Variants in HMGCLL1 observed in about 807,000 individuals in gnomAD.
HMGCLL1 encodes 3-hydroxymethyl-3-methylglutaryl-CoA lyase, cytoplasmic.
A neutral mutation model predicts 39.1 loss-of-function variants in HMGCLL1; 36 were observed. The observed-to-expected ratio is 0.92, with a 90% CI of 0.71 to 1.22. The LOEUF (loss-of-function observed/expected upper bound fraction) is 1.22. Ranked by LOEUF, HMGCLL1 falls within the 50% of genes most tolerant of loss-of-function variation. The pLI is 0.00. For missense variants in HMGCLL1, 451 were observed against 416.5 expected (o/e 1.08, Z -0.72); for synonymous variants, 149 against 144.0 (o/e 1.03, Z -0.25).
chr6:55,657,635 A>G, the HMGCLL1 span, among the ~76,000 whole-genome samples: 1 of 152,118 alleles, frequency 6.6e-6, no homozygotes, highest in South Asian at 2.1e-4. Context: ...ACTATTCACA[A>G]TAGCAAAATA....
At chr6:55,471,448 A>G (rs186809666) in intron 7 of HMGCLL1, among the ~76,000 whole-genome samples, 9 of 151,952 alleles carry the variant, frequency 5.9e-5, no homozygotes, top group Non-Finnish European at 8.8e-5. Context: ...GCTGGGTCAT[A>G]GAGTACACAT....
the HMGCLL1 span, among the ~76,000 whole-genome samples, chr6:55,584,697 T>C: frequency 6.6e-6 from 1 of 152,192 alleles, no homozygotes; most frequent in East Asian, 1.9e-4. Flanking sequence ...GTCCCAGAGA[T>C]GGCTATTTGA....
At chr6:55,571,792 G>C (rs2127476750) in intron 1 of HMGCLL1, among the ~76,000 whole-genome samples, 1 of 152,174 alleles carries the variant, frequency 6.6e-6, no homozygotes, top group East Asian at 1.9e-4. Flanking sequence ...CTGGGTGACA[G>C]AGCAAGACTC....
At chr6:55,599,091 C>T in the HMGCLL1 span, among the ~76,000 whole-genome samples, 4 of 152,008 alleles carry the variant, frequency 2.6e-5, no homozygotes, top group Non-Finnish European at 4.4e-5. Context: ...GGGAGGGAAA[C>T]ATCACACACC....
At chr6:55,645,709 G>T in the HMGCLL1 span, among the ~76,000 whole-genome samples, 1 of 151,836 alleles carries the variant, frequency 6.6e-6, no homozygotes, top group African/African-American at 2.4e-5. Context: ...TGATTGATTT[G>T]CATATATTGA....
At chr6:55,577,192 C>T in intron 1 of HMGCLL1, 2 of 1,556,394 alleles carry the variant, frequency 1.3e-6, no homozygotes, top group East Asian at 4.9e-5. Flanking sequence ...TTCAAAAAGC[C>T]AAGTGTCAGA....
chr6:55,613,010 G>A, the HMGCLL1 span, among the ~76,000 whole-genome samples: 1 of 152,078 alleles, frequency 6.6e-6, no homozygotes, highest in Admixed American at 6.5e-5. Context: ...CAATTGAATA[G>A]GCAACCTAGA....
the HMGCLL1 span, among the ~76,000 whole-genome samples, chr6:55,615,068 AT>A: frequency 6.6e-6 from 1 of 152,098 alleles, no homozygotes; most frequent in Non-Finnish European, 1.5e-5. Flanking sequence ...TTTTGTTGCC[AT>A]TTACCAAATA....
intron 1 of HMGCLL1, chr6:55,566,372 T>C (rs1771211362): frequency 4.2e-6 from 1 of 240,786 alleles, no homozygotes; most frequent in Non-Finnish European, 8.6e-6. Flanking sequence ...GCAGATTTCA[T>C]AGAATAAAAC....
the HMGCLL1 span, among the ~76,000 whole-genome samples, chr6:55,597,049 A>T: frequency 8.1e-6 from 1 of 123,116 alleles, no homozygotes; most frequent in East Asian, 3.9e-4. Context: ...GATTTTTGTG[A>T]TCAGCAACCA....
intron 6 of HMGCLL1, among the ~76,000 whole-genome samples, chr6:55,497,856 G>A (rs1266018661): frequency 6.6e-6 from 1 of 152,156 alleles, no homozygotes; most frequent in Non-Finnish European, 1.5e-5. Context: ...ATTCCAGGTA[G>A]GGAAAAAGCT....
At chr6:55,508,178 AT>A (rs1767263827) in intron 5 of HMGCLL1, among the ~76,000 whole-genome samples, 1 of 151,768 alleles carries the variant, frequency 6.6e-6, no homozygotes, top group South Asian at 2.1e-4. Context: ...GTGTCCACAA[AT>A]TTTTGAACCA....
the HMGCLL1 span, among the ~76,000 whole-genome samples, chr6:55,674,097 G>T: frequency 6.6e-6 from 1 of 151,930 alleles, no homozygotes; most frequent in Non-Finnish European, 1.5e-5. Flanking sequence ...GTAGCATGTC[G>T]TAATGTTTCT....
At chr6:55,591,484 A>G in the HMGCLL1 span, among the ~76,000 whole-genome samples, 1 of 151,848 alleles carries the variant, frequency 6.6e-6, no homozygotes, top group African/African-American at 2.4e-5. Context: ...AAGCCATGAT[A>G]TTTTTATTGC....
chr6:55,534,831 A>G (rs1436006870), intron 3 of HMGCLL1, among the ~76,000 whole-genome samples: 2 of 152,382 alleles, frequency 1.3e-5, no homozygotes, highest in African/African-American at 4.8e-5. Flanking sequence ...GAACCAACAC[A>G]AATTTACTAA....
intron 1 of HMGCLL1, among the ~76,000 whole-genome samples, chr6:55,548,224 C>T (rs1770107493): frequency 6.6e-6 from 1 of 151,984 alleles, no homozygotes; most frequent in African/African-American, 2.4e-5. Context: ...AATTGTGCTA[C>T]ACTTTGTTTT....
the HMGCLL1 span, among the ~76,000 whole-genome samples, chr6:55,601,947 A>G: frequency 2.0e-5 from 3 of 152,106 alleles, no homozygotes; most frequent in African/African-American, 7.2e-5. Flanking sequence ...AACAAATGCA[A>G]TCCATTCAAT....
chr6:55,625,486 A>G, the HMGCLL1 span, among the ~76,000 whole-genome samples: 2 of 152,196 alleles, frequency 1.3e-5, no homozygotes, highest in East Asian at 1.9e-4. Flanking sequence ...TTGACAGAGG[A>G]AGAGAAGACT....
chr6:55,608,371 T>G, the HMGCLL1 span, among the ~76,000 whole-genome samples: 2 of 152,156 alleles, frequency 1.3e-5, no homozygotes, highest in Non-Finnish European at 2.9e-5. Context: ...CCAGAGAGAT[T>G]TGTGGATGTT....
Sources: gnomAD v4.1 joint callset for allele counts (sites outside exome capture counted in the v4.1 genomes callset) on GRCh38, gnomAD v4.1.1 for gene constraint, MANE v1.5 for transcripts, NCBI Gene and HGNC (gene_info 2026-07-23, HGNC 2026-07-21) for gene names.